The following SPART variants were observed in gnomAD, a reference collection of about 807,000 sequenced individuals.
The protein encoded by SPART is spastic paraplegia 20 (Troyer syndrome).
Under a neutral mutation model 58.7 loss-of-function variants are expected in SPART, and 35 were observed. The observed-to-expected ratio is 0.60, with a 90% CI of 0.46 to 0.79. The LOEUF is 0.79. Among genes scored for constraint, SPART ranks in the 30% least tolerant of loss-of-function variants. The pLI is 0.00. For missense variants in SPART, 730 were observed against 786.1 expected, an observed-to-expected ratio of 0.93 and a Z score of 0.85; for synonymous variants, 284 against 280.7, an observed-to-expected ratio of 1.01 and a Z score of -0.12.
intron 1 of SPART, among the ~76,000 whole-genome samples, chr13:36,357,753 G>C (rs998501411): frequency 2.6e-5 from 4 of 152,334 alleles, no homozygotes; most frequent in African/African-American, 9.6e-5. Context: ...CTGGTTCACT[G>C]TATCATCAGT....
Position 36,367,236 on chromosome 13 carries a change from C to T in SPART, c.-3+2853G>A, listed in dbSNP as rs369737151. The stretch of plus-strand genomic sequence containing the variant: ...AATGCTGGCTATCAGAAACTGGGTC[C>T]ACCCAAACATGGAGGCCTTCTTGCC... On this transcript the variant is annotated intron_variant, in intron 1 of 8. Transcript: ENST00000355182. Among the ~76,000 whole-genome samples the T allele has an allele frequency of 9.8e-5, 15 of 152,322 alleles. 1 individual carries two copies. Among genetic ancestry groups the T allele is most frequent in the African/African-American group, 1.2e-4 (5 of 41,574 alleles).
At chr13:36,332,570 C>T (rs1883558497) in intron 2 of SPART, among the ~76,000 whole-genome samples, 1 of 152,170 alleles carries the variant, frequency 6.6e-6, no homozygotes, top group Admixed American at 6.5e-5. Context: ...ATTTTTTGTA[C>T]TAAACCCAAG....
chr13:36,330,538 A>C (rs918168918), intron 3 of SPART, among the ~76,000 whole-genome samples: 1 of 152,112 alleles, frequency 6.6e-6, no homozygotes, highest in African/African-American at 2.4e-5. Context: ...AATGAATTCC[A>C]AGTATCTGCT....
In SPART at chr13:36,331,746, A is replaced by C. The variant is rs2274295; in HGVS notation, c.811-150T>G. On this transcript the variant is annotated intron_variant, in intron 2 of 8. Coordinates refer to ENST00000438666, the MANE Select transcript of SPART (RefSeq NM_015087.5). Reference sequence around the variant, plus strand: ...AAGGCTTTAAGAAACATCAACATCAACAAATCCCCAAGAAAATTAATCATT... The same window carrying C: ...AAGGCTTTAAGAAACATCAACATCACCAAATCCCCAAGAAAATTAATCATT... 353 of 625,330 alleles carry C rather than the reference A, an allele frequency of 5.6e-4. 1 individual carries two copies. The East Asian group carries it at 7.8e-3, about 14-fold the overall frequency. The allele number at this position is 625,330 out of a possible 1,614,324, so 38.7% of individuals were successfully genotyped here.
chr13:36,314,464 T>C (rs1881475142), intron 5 of SPART, 43 bp from the exon 6 acceptor site: 2 of 1,575,662 alleles, frequency 1.3e-6, no homozygotes, highest in African/African-American at 1.3e-5. Context: ...TTAGGGCTAA[T>C]TATGCTTTTG....
At position 36,337,031 on chromosome 13, in the gene SPART, C is replaced by A. The variant is rs376634192; in HGVS notation, c.-2-1199G>T. ...AGACTTCACAGGTACAGGAGGGAATCTCATGGCCTTTGGAAATGTTCTCTT... is the reference window on the plus strand; with the variant it reads ...AGACTTCACAGGTACAGGAGGGAATATCATGGCCTTTGGAAATGTTCTCTT... On this transcript the variant is annotated intron_variant, in intron 1 of 8. Coordinates refer to ENST00000438666, the MANE Select transcript of SPART (RefSeq NM_015087.5). Among the ~76,000 whole-genome samples the A allele has an allele frequency of 7.2e-5, 11 of 152,306 alleles. No homozygotes were observed. The South Asian group carries it at 2.3e-3, about 32-fold the overall frequency.
chr13:36,353,720 C>T (rs1405101485), intron 1 of SPART, among the ~76,000 whole-genome samples: 1 of 152,148 alleles, frequency 6.6e-6, no homozygotes, highest in Non-Finnish European at 1.5e-5. Flanking sequence ...AAAGAAGCAG[C>T]AGTCACTCGT....
chr13:36,314,725 T>C (rs1693360228), intron 5 of SPART, among the ~76,000 whole-genome samples: 1 of 152,224 alleles, frequency 6.6e-6, no homozygotes, highest in African/African-American at 2.4e-5. Context: ...TACCACAGTA[T>C]ATTACTGTTA....
At chr13:36,334,657 T>C (rs1883779707) in intron 2 of SPART, among the ~76,000 whole-genome samples, 1 of 152,122 alleles carries the variant, frequency 6.6e-6, no homozygotes, top group South Asian at 2.1e-4. Context: ...CAGCTGAGTC[T>C]TGACAACATT....
At chr13:36,308,185 A>G (rs539629675) in intron 8 of SPART, among the ~76,000 whole-genome samples, 1 of 152,284 alleles carries the variant, frequency 6.6e-6, no homozygotes, top group African/African-American at 2.4e-5. Context: ...CTTCAGTTCT[A>G]TCACTAAGTT....
In SPART at chr13:36,303,398, C is replaced by T. The variant is rs892646712; in HGVS notation, c.*967G>A. 1.3e-5 allele frequency: 2 copies of T among 152,102 alleles called. No homozygotes were observed. The highest frequency in any genetic ancestry group is 2.9e-5 in the Non-Finnish European group (2 of 67,980). The allele number at this position is 152,102 out of a possible 1,614,324, so 9.4% of individuals were successfully genotyped here. On this transcript the variant is annotated 3_prime_UTR_variant, in exon 9 of 9. Transcript: ENST00000438666. ...AGTGGAAACCATAATGCCTATCCAC[C>T]ATGGATTACGTCTAAGGTTTTCATA...
intron 1 of SPART, among the ~76,000 whole-genome samples, chr13:36,352,419 G>A (rs11618403): frequency 0.16 from 24,867 of 152,088 alleles, 2,325 homozygotes; most frequent in Non-Finnish European, 0.21. Flanking sequence ...TATTATATGT[G>A]TAACAGAGTG....
At chr13:36,348,103 T>A (rs1885257577), upstream of SPART, among the ~76,000 whole-genome samples, 1 of 151,988 alleles carries the variant, frequency 6.6e-6, no homozygotes, top group Non-Finnish European at 1.5e-5. Flanking sequence ...CTGGGCAACA[T>A]GACGAAACCC....
chr13:36,357,953 C>T lies in SPART; in HGVS notation c.-3+12136G>A, dbSNP rs936586417. Among the ~76,000 whole-genome samples the T allele has an allele frequency of 4.6e-5, 7 of 152,224 alleles. No individual in the cohort carries two copies. In the East Asian group the frequency reaches 7.8e-4, roughly 17 times the overall value. The stretch of plus-strand genomic sequence containing the variant: ...ATATGAAGGTTTTGGATGGAAAGAT[C>T]GAGGCCCAGAAATTCCAGCTCCAGG... On this transcript the variant is annotated intron_variant, in intron 1 of 8. Coordinates refer to the SPART transcript ENST00000355182.
chr13:36,316,934 C>T (rs1881779630), intron 5 of SPART, among the ~76,000 whole-genome samples: 1 of 152,182 alleles, frequency 6.6e-6, no homozygotes, highest in Admixed American at 6.5e-5. Flanking sequence ...CCTCTTTTTA[C>T]TCTCTTCTCC....
chr13:36,360,024 G>A (rs574929818), intron 1 of SPART, among the ~76,000 whole-genome samples: 5 of 151,688 alleles, frequency 3.3e-5, no homozygotes, highest in Admixed American at 2.0e-4. Flanking sequence ...GGCTGGGCGC[G>A]GTGGCTCATG....
At chr13:36,347,046 AAG>A (rs1178203685), upstream of SPART, among the ~76,000 whole-genome samples, 9 of 152,316 alleles carry the variant, frequency 5.9e-5, no homozygotes, top group East Asian at 1.7e-3. Context: ...CCGGGATACA[AAG>A]AGTAAAATCA....
At chr13:36,356,446 G>A (rs1885626565) in intron 1 of SPART, among the ~76,000 whole-genome samples, 1 of 152,194 alleles carries the variant, frequency 6.6e-6, no homozygotes, top group South Asian at 2.1e-4. Flanking sequence ...TCTACCACCT[G>A]AAGGCTTCCT....
chr13:36,311,288 G>A (rs1181451217), intron 8 of SPART, among the ~76,000 whole-genome samples: 1 of 152,166 alleles, frequency 6.6e-6, no homozygotes, highest in Non-Finnish European at 1.5e-5. Context: ...CAGACCTTAA[G>A]GCCAAATAAG....
Sources: allele counts gnomAD v4.1 joint callset (sites outside exome capture counted in the v4.1 genomes callset), GRCh38; gene constraint gnomAD v4.1.1; transcripts MANE v1.5; gene names NCBI Gene and HGNC (gene_info 2026-07-23, HGNC 2026-07-21).